RGS6: variants seen among roughly 807,000 people sequenced by gnomAD.
The protein encoded by RGS6 is regulator of G protein signaling 6, also known as regulator of G-protein signaling 6.
RGS6 carries 30 observed loss-of-function variants against 78.5 expected under a neutral mutation model. The observed-to-expected ratio is 0.38, with a 90% confidence interval of 0.29 to 0.52. RGS6 has a LOEUF of 0.52. Among genes scored for constraint, RGS6 ranks in the 20% least tolerant of loss-of-function variants. The probability of loss-of-function intolerance (pLI) is 0.85; values close to 1 mark genes in which losing one functional copy is unlikely to be tolerated. For synonymous variants in RGS6, 206 were observed against 206.0 expected, an observed-to-expected ratio of 1.00 and a Z score of 0.00; for missense variants, 495 against 609.7, an observed-to-expected ratio of 0.81 and a Z score of 1.98.
chr14:72,291,852 G>A (rs1174048535), intron 2 of RGS6, among the ~76,000 whole-genome samples: 4 of 152,120 alleles, frequency 2.6e-5, no homozygotes, highest in Admixed American at 6.6e-5. Flanking sequence ...GCAATAGAAA[G>A]TTACTAAAAG....
intron 2 of RGS6, among the ~76,000 whole-genome samples, chr14:72,071,872 A>T (rs889596079): frequency 6.6e-6 from 1 of 152,242 alleles, no homozygotes; most frequent in Non-Finnish European, 1.5e-5. Flanking sequence ...TTCATGTTTC[A>T]TAGCAATCTC....
At chr14:71,913,850 C>A in the RGS6 span, among the ~76,000 whole-genome samples, 1 of 152,266 alleles carries the variant, frequency 6.6e-6, no homozygotes, top group Admixed American at 6.5e-5. Context: ...GTTTAAAAGG[C>A]TTTTAGTCAT....
intron 15 of RGS6, among the ~76,000 whole-genome samples, chr14:72,529,749 C>A (rs1270184514): frequency 1.3e-5 from 2 of 152,200 alleles, no homozygotes; most frequent in Non-Finnish European, 2.9e-5. Flanking sequence ...GAGAGACCAC[C>A]ATTCCCCACT....
chr14:72,214,549 C>A (rs2045081507), intron 2 of RGS6, among the ~76,000 whole-genome samples: 2 of 152,106 alleles, frequency 1.3e-5, no homozygotes, highest in South Asian at 4.2e-4. Flanking sequence ...TTTTAGCCCC[C>A]AAGGCATGCA....
At chr14:72,171,652 T>C (rs2097021226) in intron 2 of RGS6, among the ~76,000 whole-genome samples, 1 of 152,204 alleles carries the variant, frequency 6.6e-6, no homozygotes, top group Non-Finnish European at 1.5e-5. Flanking sequence ...TCTGTCTGGC[T>C]TCTATCATGA....
chr14:72,375,645 C>T lies in RGS6; in HGVS notation c.184+23451C>T, dbSNP rs919292229. 2.6e-5 allele frequency among the ~76,000 whole-genome samples: 4 copies of T among 152,220 alleles called. No homozygotes were observed. The South Asian group carries it at 6.2e-4, about 24-fold the overall frequency. ...AGAAAGCTGACCCACTGTGTGCAGA[C>T]ATATGCCTCCAATCTGAGCAACAGC... is the stretch of plus-strand genomic sequence containing the variant. On this transcript the variant is annotated intron_variant, in intron 3 of 17. Transcript: ENST00000553525.
chr14:72,193,922 C>G (rs1173595498), intron 2 of RGS6, among the ~76,000 whole-genome samples: 2 of 152,078 alleles, frequency 1.3e-5, no homozygotes, highest in Non-Finnish European at 1.5e-5. Flanking sequence ...TCATGCTGCT[C>G]ATATCTGTTC....
chr14:72,142,175 G>A (rs759265071), intron 2 of RGS6, among the ~76,000 whole-genome samples: 4 of 152,178 alleles, frequency 2.6e-5, no homozygotes, highest in East Asian at 1.9e-4. Context: ...TCCTCTCCTC[G>A]TAGAGTGATG....
chr14:72,199,239 CAGTGATGTAATTGG>C (rs2040916715), intron 2 of RGS6, among the ~76,000 whole-genome samples: 1 of 152,204 alleles, frequency 6.6e-6, no homozygotes, highest in South Asian at 2.1e-4. Context: ...ACATTATAAA[CAGTGATGTAATTGG>C]AGTGAAATGC....
chr14:72,234,455 C>T (rs188197991), intron 2 of RGS6, among the ~76,000 whole-genome samples: 154 of 152,216 alleles, frequency 1.0e-3, no homozygotes, highest in African/African-American at 3.4e-3. Context: ...TACATATGTT[C>T]TCTCATCAGT....
intron 17 of RGS6, chr14:72,553,367 C>T (rs1022525896): frequency 6.6e-6 from 1 of 152,620 alleles, no homozygotes; most frequent in Non-Finnish European, 1.5e-5. Context: ...GTGAGTGATC[C>T]CGGCGTTCGC....
At chr14:72,124,765 C>G (rs992653598) in intron 2 of RGS6, among the ~76,000 whole-genome samples, 1 of 152,150 alleles carries the variant, frequency 6.6e-6, no homozygotes, top group African/African-American at 2.4e-5. Flanking sequence ...AGCTCTCTTT[C>G]TTGCTCAATT....
At chr14:72,337,952 C>T (rs950282919) in intron 2 of RGS6, among the ~76,000 whole-genome samples, 1 of 152,116 alleles carries the variant, frequency 6.6e-6, no homozygotes, top group Admixed American at 6.5e-5. Flanking sequence ...ATCTCATTTT[C>T]TTGGGGATGA....
At chr14:72,085,724 C>T (rs1306900284) in intron 2 of RGS6, among the ~76,000 whole-genome samples, 1 of 151,868 alleles carries the variant, frequency 6.6e-6, no homozygotes, top group Admixed American at 6.6e-5. Flanking sequence ...TGTGGTGGTG[C>T]ACACTTGTAA....
chr14:72,271,597 C>T (rs570086930), intron 2 of RGS6, among the ~76,000 whole-genome samples: 14 of 152,362 alleles, frequency 9.2e-5, no homozygotes, highest in African/African-American at 3.1e-4. Context: ...CCTGTAAGAG[C>T]ACAGCATTTT....
rs72719837 is a variant in RGS6 at position 72,126,991 on chromosome 14, G to A, written c.84+162116G>A. On this transcript the variant is annotated intron_variant, in intron 2 of 17. Transcript: ENST00000553525. ...GAGGCATGAGGTTGGGGGTATATGT[G>A]TGTATCATATATTACTTGGGAGAAA... Among the ~76,000 whole-genome samples the A allele has an allele frequency of 2.3e-3, 349 of 152,216 alleles. 1 individual carries two copies. Among genetic ancestry groups the A allele is most frequent in the Middle Eastern group, 6.8e-3 (2 of 294 alleles).
chr14:72,352,134 G>T lies in RGS6; in HGVS notation c.124G>T (p.Gly42Trp), dbSNP rs570719093. ...TACAAAGATGCAAGATGACAAGACA[G>T]GGGGTGTGCCCATCAGAACAGTCAA... ...IITKMQDDKT[G>W]GVPIRTVKSF... The change falls in exon 3 of 18, where the codon GGG becomes TGG. Residue 42 changes from glycine (G) to tryptophan (W), a missense_variant. Gly to Trp is a radical substitution (Grantham distance 184). Coordinates refer to ENST00000553525, the MANE Select transcript of RGS6 (RefSeq NM_001204424.2). 1.9e-6 allele frequency: 3 copies of T among 1,613,444 alleles called. No homozygotes were observed. The South Asian group carries it at 3.3e-5, about 18-fold the overall frequency.
intron 17 of RGS6, among the ~76,000 whole-genome samples, chr14:72,556,256 A>G (rs1423731656): frequency 6.6e-6 from 1 of 152,168 alleles, no homozygotes; most frequent in Admixed American, 6.5e-5. Flanking sequence ...GAAACTTACA[A>G]TCATGGTGGA....
At chr14:72,627,806 C>T in the RGS6 span, among the ~76,000 whole-genome samples, 3 of 151,918 alleles carry the variant, frequency 2.0e-5, no homozygotes, top group African/African-American at 4.8e-5. Context: ...TCAATTTGTT[C>T]TTTGTGTTTT....
Sources: allele counts gnomAD v4.1 joint callset (sites outside exome capture counted in the v4.1 genomes callset), GRCh38; gene constraint gnomAD v4.1.1; transcripts MANE v1.5; gene names NCBI Gene and HGNC (gene_info 2026-07-23, HGNC 2026-07-21).